The following MARCHF1 variants were observed in gnomAD, a reference collection of about 807,000 sequenced individuals.
MARCHF1 encodes the protein E3 ubiquitin-protein ligase MARCHF1.
Under a neutral mutation model 54.2 loss-of-function variants are expected in MARCHF1, and 40 were observed. That is an observed-to-expected ratio of 0.74 (90% CI 0.57 to 0.96). The LOEUF (loss-of-function observed/expected upper bound fraction) is 0.96, where lower values mean the gene tolerates loss of function less well. MARCHF1 is among the 40% of genes least tolerant of loss of function. MARCHF1 has a pLI of 0.00. For missense variants in MARCHF1, 586 were observed against 656.5 expected, an observed-to-expected ratio of 0.89 and a Z score of 1.17; for synonymous variants, 236 against 236.3, an observed-to-expected ratio of 1.00 and a Z score of 0.01.
At chr4:164,140,956 C>G (rs969980080) in intron 1 of MARCHF1, among the ~76,000 whole-genome samples, 3 of 152,178 alleles carry the variant, frequency 2.0e-5, no homozygotes, top group African/African-American at 7.2e-5. Flanking sequence ...TGAGGGTTAG[C>G]ATAAGACTGG....
intron 1 of MARCHF1, among the ~76,000 whole-genome samples, chr4:164,310,502 T>C (rs182887328): frequency 1.3e-5 from 2 of 152,038 alleles, no homozygotes; most frequent in Non-Finnish European, 2.9e-5. Context: ...TGAGTTTTAT[T>C]GAACTACTAG....
chr4:164,268,456 T>C (rs1266379241), intron 1 of MARCHF1, among the ~76,000 whole-genome samples: 2 of 152,142 alleles, frequency 1.3e-5, no homozygotes, highest in African/African-American at 2.4e-5. Context: ...CTTGCAGAAT[T>C]CTTTATGAGC....
intron 1 of MARCHF1, among the ~76,000 whole-genome samples, chr4:164,132,396 T>C (rs1047579718): frequency 7.9e-5 from 12 of 152,202 alleles, no homozygotes; most frequent in African/African-American, 2.7e-4. Context: ...ATATTCTCTT[T>C]AATTAAATGT....
intron 2 of MARCHF1, among the ~76,000 whole-genome samples, chr4:164,029,853 C>T (rs1753841539): frequency 6.6e-6 from 1 of 152,188 alleles, no homozygotes; most frequent in Non-Finnish European, 1.5e-5. Flanking sequence ...CCTTGGTCTC[C>T]CAAAGTGCTG....
At chr4:164,066,782 G>T (rs933258779) in intron 2 of MARCHF1, among the ~76,000 whole-genome samples, 21 of 152,066 alleles carry the variant, frequency 1.4e-4, no homozygotes, top group Non-Finnish European at 2.6e-4. Flanking sequence ...AAAACCAAAT[G>T]CTGCATGTTC....
intron 2 of MARCHF1, among the ~76,000 whole-genome samples, chr4:163,994,789 ACACAC>A (rs1579447181): frequency 1.5e-4 from 3 of 20,382 alleles, no homozygotes; most frequent in Non-Finnish European, 4.9e-4. Context: ...ACACACACAC[ACACAC>A]AAAACAAATG....
intron 5 of MARCHF1, among the ~76,000 whole-genome samples, chr4:163,700,232 C>G (rs12502172): frequency 1.3e-5 from 2 of 151,872 alleles, no homozygotes; most frequent in Non-Finnish European, 2.9e-5. Context: ...ATTGGCCAGA[C>G]ATGGTGGCTC....
At chr4:164,270,337 T>G (rs2111305667) in intron 1 of MARCHF1, among the ~76,000 whole-genome samples, 1 of 152,290 alleles carries the variant, frequency 6.6e-6, no homozygotes, top group South Asian at 2.1e-4. Flanking sequence ...CTGCCCACCC[T>G]ATTTAAATTA....
intron 1 of MARCHF1, among the ~76,000 whole-genome samples, chr4:164,127,437 G>A (rs1215855825): frequency 6.6e-6 from 1 of 152,154 alleles, no homozygotes; most frequent in Non-Finnish European, 1.5e-5. Context: ...AGATTTATTA[G>A]CCAAAGCAGT....
chr4:164,230,186 A>T (rs1438928581), intron 1 of MARCHF1, among the ~76,000 whole-genome samples: 1 of 152,182 alleles, frequency 6.6e-6, no homozygotes, highest in African/African-American at 2.4e-5. Flanking sequence ...ACCTGAGGTC[A>T]GGAGTTTGAG....
chr4:163,886,118 T>C (rs1271674395), intron 3 of MARCHF1, among the ~76,000 whole-genome samples: 1 of 149,444 alleles, frequency 6.7e-6, no homozygotes, highest in Admixed American at 6.7e-5. Context: ...TAATTGGATA[T>C]TTATATCTAG....
intron 2 of MARCHF1, among the ~76,000 whole-genome samples, chr4:164,062,772 C>A (rs1004678962): frequency 6.6e-6 from 1 of 152,168 alleles, no homozygotes; most frequent in African/African-American, 2.4e-5. Context: ...GATCCGCCCG[C>A]CTCGGCCTCC....
chr4:163,919,391 C>T (rs1282114815), intron 3 of MARCHF1, among the ~76,000 whole-genome samples: 1 of 151,662 alleles, frequency 6.6e-6, no homozygotes, highest in Non-Finnish European at 1.5e-5. Flanking sequence ...AAAAATGGAA[C>T]ACTTGAAATA....
intron 5 of MARCHF1, among the ~76,000 whole-genome samples, chr4:163,699,925 G>A (rs1363879079): frequency 6.6e-6 from 1 of 150,504 alleles, no homozygotes; most frequent in African/African-American, 2.4e-5. Context: ...ACACTCTGGG[G>A]TCCTACTTAG....
intron 3 of MARCHF1, among the ~76,000 whole-genome samples, chr4:163,983,681 C>T (rs2110874273): frequency 1.3e-5 from 2 of 152,278 alleles, no homozygotes; most frequent in South Asian, 4.1e-4. Context: ...CCCAAATTCA[C>T]CACTAACTAG....
At chr4:164,134,925 C>A (rs1756371245) in intron 1 of MARCHF1, among the ~76,000 whole-genome samples, 3 of 151,904 alleles carry the variant, frequency 2.0e-5, no homozygotes, top group Admixed American at 2.0e-4. Flanking sequence ...AGCAAGTTGA[C>A]CTGCATCTGG....
chr4:163,808,256 C>T (rs761990505), intron 4 of MARCHF1, among the ~76,000 whole-genome samples: 4 of 152,150 alleles, frequency 2.6e-5, no homozygotes, highest in South Asian at 4.1e-4. Flanking sequence ...CTGGAATGTC[C>T]GTTCTCCATG....
intron 7 of MARCHF1, among the ~76,000 whole-genome samples, chr4:163,607,274 G>A (rs775067633): frequency 6.6e-6 from 1 of 152,072 alleles, no homozygotes; most frequent in Non-Finnish European, 1.5e-5. Flanking sequence ...TGGATGTGGT[G>A]GAGATGGAAA....
chr4:164,307,380 G>A (rs371785041), intron 1 of MARCHF1, among the ~76,000 whole-genome samples: 5 of 152,248 alleles, frequency 3.3e-5, no homozygotes, highest in African/African-American at 1.2e-4. Flanking sequence ...CAAGAATGAG[G>A]GACCAAACAG....
Sources: allele counts gnomAD v4.1 joint callset (sites outside exome capture counted in the v4.1 genomes callset), GRCh38; gene constraint gnomAD v4.1.1; transcripts MANE v1.5; gene names NCBI Gene and HGNC (gene_info 2026-07-23, HGNC 2026-07-21).